The following ADAMTSL1 variants were observed in gnomAD, a reference collection of about 807,000 sequenced individuals.
The protein encoded by ADAMTSL1 is ADAMTS like 1, also known as ADAMTS-like protein 1.
ADAMTSL1 carries 126 observed loss-of-function variants against 201.8 expected under a neutral mutation model. That is an observed-to-expected ratio of 0.62 (90% CI 0.54 to 0.72). The LOEUF is 0.72. ADAMTSL1 is among the 30% of genes least tolerant of loss of function. The probability of loss-of-function intolerance (pLI) is 0.00; values close to 1 mark genes in which losing one functional copy is unlikely to be tolerated. For missense variants in ADAMTSL1, 2,679 were observed against 2,277.8 expected (o/e 1.18, Z -3.59); for synonymous variants, 1,121 against 903.4 (o/e 1.24, Z -4.32).
chr9:18,250,728 G>C (rs1277393635), intron 2 of ADAMTSL1, among the ~76,000 whole-genome samples: 1 of 152,100 alleles, frequency 6.6e-6, no homozygotes, highest in Non-Finnish European at 1.5e-5. Flanking sequence ...GGGGCTTCTT[G>C]TTCCTGGGAA....
At chr9:18,487,032 A>C (rs1462948253) in intron 1 of ADAMTSL1, among the ~76,000 whole-genome samples, 1 of 152,204 alleles carries the variant, frequency 6.6e-6, no homozygotes, top group Non-Finnish European at 1.5e-5. Context: ...ATGCCGGTAA[A>C]AGATGTAGCA....
intron 16 of ADAMTSL1, among the ~76,000 whole-genome samples, chr9:18,766,517 G>A (rs758842798): frequency 2.0e-5 from 3 of 152,150 alleles, no homozygotes; most frequent in Admixed American, 6.5e-5. Flanking sequence ...TGCTAGAAAC[G>A]CTATTTCTTA....
chr9:18,823,186 A>T (rs1824320272), intron 21 of ADAMTSL1, among the ~76,000 whole-genome samples: 4 of 152,182 alleles, frequency 2.6e-5, no homozygotes, highest in Admixed American at 2.6e-4. Flanking sequence ...TCTGTGCTTG[A>T]ATGAATCTGA....
intron 1 of ADAMTSL1, among the ~76,000 whole-genome samples, chr9:17,935,896 C>A (rs62550002): frequency 6.6e-6 from 1 of 152,176 alleles, no homozygotes; most frequent in South Asian, 2.1e-4. Flanking sequence ...TCCTGCTTAA[C>A]GCCCTCCAGT....
rs539031460 is a variant in ADAMTSL1, at chr9:18,226,389, A to T, written c.207+62408A>T. On this transcript the variant is annotated intron_variant, in intron 2 of 29. Transcript: ENST00000680146. ...TACTTTCTGACCTTCCCTTTTCCTC[A>T]CCCCTATTGAGTCTGACATCAGTTC... Among the ~76,000 whole-genome samples the T allele has an allele frequency of 5.9e-5, 9 of 151,434 alleles. No homozygotes were observed. In the South Asian group the frequency reaches 1.9e-3, roughly 32 times the overall value.
chr9:18,101,582 T>A (rs542220342), intron 1 of ADAMTSL1, among the ~76,000 whole-genome samples: 39 of 152,222 alleles, frequency 2.6e-4, no homozygotes, highest in African/African-American at 8.7e-4. Context: ...TGGTAGCACA[T>A]TCCCATCAAA....
intron 15 of ADAMTSL1, among the ~76,000 whole-genome samples, chr9:18,739,911 G>GTT (rs1351725800): frequency 1.3e-5 from 2 of 151,886 alleles, no homozygotes; most frequent in African/African-American, 4.8e-5. Context: ...GTGTGTGTGT[G>GTT]TGTGTGTGTG....
At chr9:18,581,490 C>A (rs77733556) in intron 4 of ADAMTSL1, among the ~76,000 whole-genome samples, 2 of 152,124 alleles carry the variant, frequency 1.3e-5, no homozygotes, top group Admixed American at 6.5e-5. Context: ...ATCCCAATAT[C>A]CCAAAAGTTT....
intron 2 of ADAMTSL1, among the ~76,000 whole-genome samples, chr9:18,172,683 T>C (rs1322260949): frequency 1.3e-5 from 2 of 152,138 alleles, no homozygotes; most frequent in Non-Finnish European, 2.9e-5. Context: ...TTGAATGTTA[T>C]AGCCTAAAAA....
chr9:18,319,106 A>C (rs1834522693), intron 2 of ADAMTSL1, among the ~76,000 whole-genome samples: 1 of 151,960 alleles, frequency 6.6e-6, no homozygotes, highest in Non-Finnish European at 1.5e-5. Flanking sequence ...AATGCCAGCT[A>C]CTCCTGAGGC....
intron 2 of ADAMTSL1, among the ~76,000 whole-genome samples, chr9:18,213,382 CTG>C (rs1483761245): frequency 6.6e-6 from 1 of 152,120 alleles, no homozygotes. Context: ...GAACAAAACA[CTG>C]TGTTCCTGGG....
chr9:18,870,971 CT>C (rs1345625239), intron 23 of ADAMTSL1, among the ~76,000 whole-genome samples: 1 of 152,112 alleles, frequency 6.6e-6, no homozygotes, highest in Non-Finnish European at 1.5e-5. Flanking sequence ...TACTCAACCT[CT>C]TTTCTAATTC....
intron 23 of ADAMTSL1, among the ~76,000 whole-genome samples, chr9:18,863,032 C>T (rs906247999): frequency 1.3e-5 from 2 of 152,150 alleles, no homozygotes; most frequent in African/African-American, 2.4e-5. Context: ...TTTCCTAGAG[C>T]CTGCCTGCCT....
intron 1 of ADAMTSL1, among the ~76,000 whole-genome samples, chr9:17,995,410 C>T (rs549815277): frequency 2.0e-5 from 3 of 152,096 alleles, no homozygotes; most frequent in Non-Finnish European, 4.4e-5. Flanking sequence ...AAAAGAAGGG[C>T]AACTAGTGAA....
chr9:17,979,380 C>T (rs1818590910), intron 1 of ADAMTSL1, among the ~76,000 whole-genome samples: 1 of 151,820 alleles, frequency 6.6e-6, no homozygotes, highest in African/African-American at 2.4e-5. Context: ...TTTCTTTTTT[C>T]TCCTCTGACT....
intron 23 of ADAMTSL1, among the ~76,000 whole-genome samples, chr9:18,857,832 C>A (rs373511266): frequency 1.1e-4 from 16 of 152,260 alleles, no homozygotes; most frequent in African/African-American, 3.6e-4. Flanking sequence ...GTAAAACATT[C>A]CCCAGATGCA....
rs966031047 is a variant in ADAMTSL1 at position 18,215,549 on chromosome 9, A to C, written c.207+51568A>C. ...ATCAGTCATCTTTGATGTCTTGCTG[A>C]CTAGCAATCAAAAAAAATCCCATAG... On this transcript the variant is annotated intron_variant, in intron 2 of 29. Transcript: ENST00000680146. Among the ~76,000 whole-genome samples, 6 of 152,206 alleles carry C rather than the reference A, an allele frequency of 3.9e-5. No individual in the cohort carries two copies. The East Asian group carries it at 1.2e-3, about 29-fold the overall frequency.
Position 18,874,716 on chromosome 9 carries a change from G to C in ADAMTSL1, c.4250-13115G>C, listed in dbSNP as rs1425238537. On this transcript the variant is annotated intron_variant, in intron 23 of 28. Transcript: ENST00000380548. ...AGGATTTTTACATTGATGTTCACCAGCGATACTGGTCTGTTTGCTTTATGT... is the reference window on the plus strand; with the variant it reads ...AGGATTTTTACATTGATGTTCACCACCGATACTGGTCTGTTTGCTTTATGT... Among the ~76,000 whole-genome samples, 3 of 151,990 alleles carry C rather than the reference G, an allele frequency of 2.0e-5. No homozygotes were observed. In the East Asian group the frequency reaches 5.8e-4, roughly 29 times the overall value.
intron 1 of ADAMTSL1, among the ~76,000 whole-genome samples, chr9:18,044,110 G>T (rs143916564): frequency 6.6e-6 from 1 of 151,026 alleles, no homozygotes; most frequent in Admixed American, 6.6e-5. Context: ...ATTGCAATAG[G>T]TATAAAAATA....
Sources: allele counts gnomAD v4.1 joint callset (sites outside exome capture counted in the v4.1 genomes callset), GRCh38; gene constraint gnomAD v4.1.1; transcripts MANE v1.5; gene names NCBI Gene and HGNC (gene_info 2026-07-23, HGNC 2026-07-21).